ST8SIA5: variants seen among roughly 807,000 people sequenced by gnomAD.
ST8SIA5 encodes alpha-2,8-sialyltransferase 8E.
In ST8SIA5, 24 loss-of-function variants were observed where a neutral mutation model predicts 40.2. The observed-to-expected ratio is 0.60, with a 90% CI of 0.43 to 0.84. ST8SIA5 has a LOEUF of 0.84. ST8SIA5 is among the 40% of genes least tolerant of loss of function. The pLI is 0.00. For missense variants in ST8SIA5, 465 were observed against 498.5 expected, an observed-to-expected ratio of 0.93 and a Z score of 0.64; for synonymous variants, 198 against 201.8, an observed-to-expected ratio of 0.98 and a Z score of 0.16.
At chr18:46,740,307 A>G (rs1284703372) in intron 1 of ST8SIA5, among the ~76,000 whole-genome samples, 1 of 152,248 alleles carries the variant, frequency 6.6e-6, no homozygotes, top group African/African-American at 2.4e-5. Context: ...TCCTAAAGCC[A>G]AGAAAGCACA....
At chr18:46,709,507 T>G (rs1453303410) in intron 1 of ST8SIA5, among the ~76,000 whole-genome samples, 1 of 152,252 alleles carries the variant, frequency 6.6e-6, no homozygotes, top group Non-Finnish European at 1.5e-5. Context: ...TGTCCCATAT[T>G]CTGCTTCTAA....
At chr18:46,727,854 A>G (rs1244725012) in intron 1 of ST8SIA5, among the ~76,000 whole-genome samples, 1 of 152,130 alleles carries the variant, frequency 6.6e-6, no homozygotes, top group African/African-American at 2.4e-5. Context: ...AATATTTTTA[A>G]TATTATTTGA....
At chr18:46,749,698 ATTTT>A (rs2040177650) in intron 1 of ST8SIA5, among the ~76,000 whole-genome samples, 1 of 152,206 alleles carries the variant, frequency 6.6e-6, no homozygotes, top group Non-Finnish European at 1.5e-5. Context: ...GATAATAAAC[ATTTT>A]ACATAGTTTT....
chr18:46,688,456 G>A (rs1443528233), intron 4 of ST8SIA5, among the ~76,000 whole-genome samples: 1 of 152,174 alleles, frequency 6.6e-6, no homozygotes, highest in South Asian at 2.1e-4. Context: ...CTCAGGAGGG[G>A]GACGAATGTG....
intron 2 of ST8SIA5, among the ~76,000 whole-genome samples, chr18:46,693,457 CT>C (rs1239693361): frequency 3.9e-5 from 6 of 152,196 alleles, no homozygotes; most frequent in Non-Finnish European, 8.8e-5. Flanking sequence ...AGCCTCTATG[CT>C]AGTTGGCATT....
intron 1 of ST8SIA5, chr18:46,731,854 CAGCCAATAAA>C (rs2039987700): frequency 6.6e-6 from 1 of 152,194 alleles, no homozygotes; most frequent in Non-Finnish European, 1.5e-5. Context: ...CTGGGTAAAA[CAGCCAATAAA>C]AGTACAACCG....
chr18:46,711,987 T>C (rs774500215), intron 1 of ST8SIA5, among the ~76,000 whole-genome samples: 1 of 152,204 alleles, frequency 6.6e-6, no homozygotes, highest in Admixed American at 6.5e-5. Flanking sequence ...GCCCCAGGTG[T>C]GCACCTCACA....
chr18:46,704,417 T>G, intron 2 of ST8SIA5, among the ~76,000 whole-genome samples, 155 bp downstream of exon 2: 1 of 152,168 alleles, frequency 6.6e-6, no homozygotes, highest in East Asian at 1.9e-4. Flanking sequence ...GCTTTCCGAA[T>G]GCCAGTGGCT....
intron 5 of ST8SIA5, among the ~76,000 whole-genome samples, chr18:46,685,489 T>G (rs1693380826): frequency 6.6e-6 from 1 of 152,168 alleles, no homozygotes; most frequent in African/African-American, 2.4e-5. Flanking sequence ...GGGCTGGGGT[T>G]GGACAGCCAA....
In ST8SIA5 at chr18:46,681,340, G is replaced by A. The variant is rs1192102757; in HGVS notation, c.662+632C>T. On this transcript the variant is annotated intron_variant, in intron 6 of 6. Coordinates refer to ENST00000315087, the MANE Select transcript of ST8SIA5 (RefSeq NM_013305.6). The stretch of plus-strand genomic sequence containing the variant: ...CTCTCTGACTTTGCTGTCTCTTCCC[G>A]CCCCTTAAATAGCTGCTCCCTGGGC... Among the ~76,000 whole-genome samples the A allele has an allele frequency of 2.6e-5, 4 of 151,972 alleles. No individual in the cohort carries two copies. The East Asian group carries it at 5.8e-4, about 22-fold the overall frequency.
chr18:46,694,739 G>A (rs904338618), intron 2 of ST8SIA5, among the ~76,000 whole-genome samples: 7 of 151,994 alleles, frequency 4.6e-5, no homozygotes, highest in Admixed American at 3.3e-4. Flanking sequence ...TGTACCCCCC[G>A]ATTTTGTTAT....
At chr18:46,714,537 C>G (rs970083682) in intron 1 of ST8SIA5, among the ~76,000 whole-genome samples, 1 of 152,172 alleles carries the variant, frequency 6.6e-6, no homozygotes, top group African/African-American at 2.4e-5. Context: ...GAGGCCCTGA[C>G]AGGCACTGCA....
rs747829097 is a variant in ST8SIA5 at position 46,682,019 on chromosome 18, C to T, written c.615G>A (p.Gly205=). 19 of 1,613,310 alleles carry T rather than the reference C, an allele frequency of 1.2e-5. No homozygotes were observed. Among genetic ancestry groups the T allele is most frequent in the Non-Finnish European group, 1.6e-5 (19 of 1,179,800 alleles). ...TCACAGTGACCACATCCGTCTTCAC[C>T]CCCACATCCATGGTGTACTTCTCTG... is the stretch of plus-strand genomic sequence containing the variant. ...PISEKYTMDV[G]VKTDVVTVNP... is the part of the protein sequence containing the mutation. Residue 205 remains glycine, a synonymous_variant, in exon 6 of 7, where the codon GGG becomes GGA. Transcript: ENST00000315087.
chr18:46,702,089 G>A (rs2144497260), intron 2 of ST8SIA5, among the ~76,000 whole-genome samples: 1 of 150,550 alleles, frequency 6.6e-6, no homozygotes, highest in East Asian at 2.0e-4. Context: ...AGAGGTTGCA[G>A]TGAGGCGAGA....
At chr18:46,687,467 T>C (rs2039459294) in intron 4 of ST8SIA5, among the ~76,000 whole-genome samples, 1 of 152,208 alleles carries the variant, frequency 6.6e-6, no homozygotes, top group Non-Finnish European at 1.5e-5. Context: ...TCCTTGGATC[T>C]GTATGTCATA....
In ST8SIA5 at chr18:46,678,944, G is replaced by T. The variant is rs1451493539; in HGVS notation, c.*1098C>A. 4 of 152,254 alleles carry T rather than the reference G, an allele frequency of 2.6e-5. No homozygotes were observed. The highest frequency in any genetic ancestry group is 5.9e-5 in the Non-Finnish European group (4 of 68,064). The allele number at this position is 152,254 out of a possible 1,614,324, so 9.4% of individuals were successfully genotyped here. A position where few individuals can be genotyped will look rare whatever the true frequency, so the allele number is the denominator to read the frequency against. ...GACTGCCCCAAGCCCAGGCCCTGGG[G>T]TCTGCTGTGAGAAGTCCCGCCTTCA... On this transcript the variant is annotated 3_prime_UTR_variant, in exon 7 of 7. Transcript: ENST00000315087.
chr18:46,672,425 G>A lies in ST8SIA5; in HGVS notation c.*7617C>T, dbSNP rs986361133. 6.6e-6 allele frequency: 1 copy of A among 152,142 alleles called. No individual in the cohort carries two copies. The highest frequency in any genetic ancestry group is 1.5e-5 in the Non-Finnish European group (1 of 68,032). 9.4% of individuals were successfully genotyped at this position (152,142 alleles called of 1,614,324 possible). On this transcript the variant is annotated 3_prime_UTR_variant, in exon 7 of 7. Coordinates refer to ENST00000315087, the MANE Select transcript of ST8SIA5 (RefSeq NM_013305.6). ...GTGATTCCTATGTACACACAAGGTT[G>A]CAAATGGCAATTCTAGAGAAAACAG...
chr18:46,691,420 A>C (rs896152892), intron 3 of ST8SIA5: 1 of 152,250 alleles, frequency 6.6e-6, no homozygotes, highest in African/African-American at 2.4e-5. Context: ...TCCTCAGTAC[A>C]TTTAAACTTG....
chr18:46,702,444 C>A (rs901748308), intron 2 of ST8SIA5, among the ~76,000 whole-genome samples: 2 of 152,218 alleles, frequency 1.3e-5, no homozygotes, highest in African/African-American at 4.8e-5. Flanking sequence ...AAACCCAAAC[C>A]TGGGTCTGTA....
Sources: allele counts gnomAD v4.1 joint callset (sites outside exome capture counted in the v4.1 genomes callset), GRCh38; gene constraint gnomAD v4.1.1; transcripts MANE v1.5; gene names NCBI Gene and HGNC (gene_info 2026-07-23, HGNC 2026-07-21).